BCKDHB: variants seen among roughly 807,000 people sequenced by gnomAD.
BCKDHB encodes 2-oxoisovalerate dehydrogenase subunit beta, mitochondrial.
A neutral mutation model predicts 48.5 loss-of-function variants in BCKDHB; 41 were observed. That is an observed-to-expected ratio of 0.85 (90% confidence interval 0.66 to 1.10). The LOEUF (loss-of-function observed/expected upper bound fraction) is 1.10, where lower values mean the gene tolerates loss of function less well. Ranked by LOEUF, BCKDHB falls within the 50% of genes least tolerant of loss-of-function variation. The pLI, the probability that BCKDHB is intolerant of heterozygous loss-of-function variation, is 0.00. For missense variants in BCKDHB, 496 were observed against 494.2 expected (o/e 1.00, Z -0.03); for synonymous variants, 201 against 174.8 (o/e 1.15, Z -1.18).
intron 8 of BCKDHB, among the ~76,000 whole-genome samples, chr6:80,219,280 C>T (rs1775307144): frequency 6.6e-6 from 1 of 151,314 alleles, no homozygotes; most frequent in African/African-American, 2.4e-5. Context: ...GATCTCAGCT[C>T]ACTGCAACCT....
At chr6:80,181,321 A>G (rs1773402849) in intron 6 of BCKDHB, among the ~76,000 whole-genome samples, 1 of 152,174 alleles carries the variant, frequency 6.6e-6, no homozygotes, top group Non-Finnish European at 1.5e-5. Flanking sequence ...TAATTAAGGC[A>G]TTGGTTTACA....
intron 6 of BCKDHB, among the ~76,000 whole-genome samples, chr6:80,191,852 C>G (rs1340604645): frequency 1.3e-5 from 2 of 152,108 alleles, no homozygotes; most frequent in African/African-American, 4.8e-5. Context: ...TAGGCTGTGC[C>G]TAATTACTGA....
the BCKDHB span, among the ~76,000 whole-genome samples, chr6:80,419,613 T>G: frequency 6.6e-6 from 1 of 152,324 alleles, no homozygotes; most frequent in Non-Finnish European, 1.5e-5. Context: ...TTGCTACCCC[T>G]GCCATTTGTT....
chr6:80,455,393 T>A, the BCKDHB span, among the ~76,000 whole-genome samples: 3 of 151,778 alleles, frequency 2.0e-5, no homozygotes, highest in African/African-American at 4.8e-5. Context: ...ACATGTCGCA[T>A]CTCCTCAAGA....
chr6:80,233,487 A>T, intron 8 of BCKDHB, among the ~76,000 whole-genome samples: 1 of 152,274 alleles, frequency 6.6e-6, no homozygotes, highest in Admixed American at 6.5e-5. Flanking sequence ...CATTGCTCTT[A>T]TCTGCCTCTA....
chr6:80,242,542 GACAC>G (rs917552058), intron 8 of BCKDHB, among the ~76,000 whole-genome samples: 6 of 151,816 alleles, frequency 4.0e-5, no homozygotes, highest in Non-Finnish European at 8.8e-5. Context: ...ATTGTTAAGT[GACAC>G]ACACACATAC....
At chr6:80,226,657 T>G (rs971223026) in intron 8 of BCKDHB, among the ~76,000 whole-genome samples, 1 of 152,238 alleles carries the variant, frequency 6.6e-6, no homozygotes, top group Non-Finnish European at 1.5e-5. Flanking sequence ...AATAAGAAGC[T>G]GAATTTTCTT....
chr6:80,222,891 G>T (rs538905245), intron 8 of BCKDHB, among the ~76,000 whole-genome samples: 1 of 152,128 alleles, frequency 6.6e-6, no homozygotes, highest in South Asian at 2.1e-4. Context: ...CCCATCAACT[G>T]TTACTTTACA....
rs560554697 is a variant in BCKDHB at position 80,246,201 on chromosome 6, T to C, written c.952-26934T>C. 2.0e-5 allele frequency among the ~76,000 whole-genome samples: 3 copies of C among 152,346 alleles called. No homozygotes were observed. The East Asian group carries it at 5.8e-4, about 29-fold the overall frequency. ...TCTAACCTGTGAAAATTGTAAATTG[T>C]TAAGCAATAAAGAGAAAATACACTT... On this transcript the variant is annotated intron_variant, in intron 8 of 9. Coordinates refer to ENST00000320393, the MANE Select transcript of BCKDHB (RefSeq NM_183050.4).
the BCKDHB span, among the ~76,000 whole-genome samples, chr6:80,370,074 A>G: frequency 4.6e-5 from 7 of 152,172 alleles, no homozygotes; most frequent in African/African-American, 1.7e-4. Flanking sequence ...TTTTTGATGC[A>G]CACATCACTG....
chr6:80,396,262 G>A, the BCKDHB span, among the ~76,000 whole-genome samples: 23 of 152,212 alleles, frequency 1.5e-4, no homozygotes, highest in African/African-American at 5.5e-4. Flanking sequence ...GCAGCCAGGA[G>A]GGGTGCTGTT....
At chr6:80,464,658 A>G in the BCKDHB span, among the ~76,000 whole-genome samples, 1 of 152,196 alleles carries the variant, frequency 6.6e-6, no homozygotes, top group Admixed American at 6.5e-5. Flanking sequence ...CACTTCTTTC[A>G]TACTATTCTT....
chr6:80,124,508 A>G (rs543090312), intron 1 of BCKDHB, among the ~76,000 whole-genome samples: 34 of 152,200 alleles, frequency 2.2e-4, no homozygotes, highest in South Asian at 2.1e-3. Context: ...AAGTCTCCCA[A>G]TATTATTGTA....
intron 9 of BCKDHB, among the ~76,000 whole-genome samples, chr6:80,310,578 T>C (rs931494704): frequency 2.0e-5 from 3 of 152,224 alleles, no homozygotes; most frequent in African/African-American, 7.2e-5. Flanking sequence ...TGCATGTATC[T>C]TTATAACAGA....
the BCKDHB span, among the ~76,000 whole-genome samples, chr6:80,376,036 G>C: frequency 1.3e-5 from 2 of 152,152 alleles, no homozygotes; most frequent in African/African-American, 4.8e-5. Context: ...TAAGTATTCA[G>C]ATTTCTCAGG....
At chr6:80,312,973 G>T (rs1365649801) in intron 9 of BCKDHB, among the ~76,000 whole-genome samples, 1 of 152,056 alleles carries the variant, frequency 6.6e-6, no homozygotes, top group Non-Finnish European at 1.5e-5. Flanking sequence ...CATCCTTTTT[G>T]ATTTTTTGGA....
intron 6 of BCKDHB, among the ~76,000 whole-genome samples, chr6:80,199,769 C>CT (rs1360457301): frequency 8.5e-5 from 5 of 59,102 alleles, no homozygotes; most frequent in African/African-American, 3.3e-4. Context: ...GAGACTCTGT[C>CT]TCAAAAAAAA....
intron 6 of BCKDHB, among the ~76,000 whole-genome samples, chr6:80,184,452 G>A (rs1773549758): frequency 6.6e-6 from 1 of 152,080 alleles, no homozygotes; most frequent in South Asian, 2.1e-4. Flanking sequence ...TTAGCATTGA[G>A]ATGTGAGGTA....
intron 4 of BCKDHB, among the ~76,000 whole-genome samples, 189 bp downstream of exon 4, chr6:80,168,000 T>C (rs947183895): frequency 2.0e-5 from 3 of 152,080 alleles, no homozygotes; most frequent in African/African-American, 7.2e-5. Context: ...TAGATTGGGA[T>C]TGGGTGAAGT....
Sources: gnomAD v4.1 joint callset for allele counts (sites outside exome capture counted in the v4.1 genomes callset) on GRCh38, gnomAD v4.1.1 for gene constraint, MANE v1.5 for transcripts, NCBI Gene and HGNC (gene_info 2026-07-23, HGNC 2026-07-21) for gene names.